RBM33: variants seen among roughly 807,000 people sequenced by gnomAD.
The protein encoded by RBM33 is RNA binding motif protein 33.
A neutral mutation model predicts 132.6 loss-of-function variants in RBM33; 28 were observed. The observed-to-expected ratio is 0.21, with a 90% CI of 0.16 to 0.29. RBM33 has a LOEUF of 0.29. Ranked by LOEUF, RBM33 falls within the 10% of genes least tolerant of loss-of-function variation. RBM33 has a pLI of 1.00. For missense variants in RBM33, 1,291 were observed against 1,518.5 expected, an observed-to-expected ratio of 0.85 and a Z score of 2.49; for synonymous variants, 634 against 593.0, an observed-to-expected ratio of 1.07 and a Z score of -1.01.
chr7:155,745,541 G>T lies in RBM33; in HGVS notation c.2918G>T (p.Ser973Ile), dbSNP rs1342224631. 6.2e-7 allele frequency: 1 copy of T among 1,611,532 alleles called. No homozygotes were observed. The highest frequency in any genetic ancestry group is 1.1e-5 in the South Asian group (1 of 90,434). ...VKRTVTHRTNSGGGDGPHISS... is the reference protein window; with the variant it reads ...VKRTVTHRTNIGGGDGPHISS... ...AGGACTGTCACGCACAGGACAAACA[G>T]TGGTGGTGGAGACGGGCCCCACATC... The change falls in exon 14 of 18, where the codon AGT becomes ATT. Residue 973 changes from serine (S) to isoleucine (I), a missense_variant. Around this residue, in one of 7 missense-constraint regions of RBM33, gnomAD observed 841 missense variants for 912.0 expected, o/e 0.92. Transcript: ENST00000401878. The surrounding 1 kb of genome is among the most constrained non-coding windows in gnomAD (Gnocchi z 4.1).
At chr7:155,645,430 G>C (rs1322531168) in intron 1 of RBM33, among the ~76,000 whole-genome samples, 1 of 152,242 alleles carries the variant, frequency 6.6e-6, no homozygotes, top group Non-Finnish European at 1.5e-5. Context: ...TGGAAAGTGA[G>C]ATTTCTTGAG....
In RBM33 at chr7:155,745,408, A is replaced by G. The variant is rs1376594201; in HGVS notation, c.2785A>G (p.Lys929Glu). 6.2e-7 allele frequency: 1 copy of G among 1,613,798 alleles called. No homozygotes were observed. The highest frequency in any genetic ancestry group is 8.5e-7 in the Non-Finnish European group (1 of 1,179,822). ...VPQSQTQPLHKVLPIKPADVE... is the reference protein window; with the variant it reads ...VPQSQTQPLHEVLPIKPADVE... The stretch of plus-strand genomic sequence containing the variant: ...TCAAAGTCAGACTCAGCCGCTGCAT[A>G]AAGTGCTCCCGATCAAACCTGCAGA... Residue 929 changes from lysine (K) to glutamate (E), a missense_variant, in exon 14 of 18, where the codon AAA becomes GAA. By Grantham distance (56) the Lys-to-Glu change is moderately conservative. Around this residue, in one of 7 missense-constraint regions of RBM33, gnomAD observed 841 missense variants for 912.0 expected, o/e 0.92. Coordinates refer to ENST00000401878, the MANE Select transcript of RBM33 (RefSeq NM_053043.3). The surrounding 1 kb of genome is among the most constrained non-coding windows in gnomAD (Gnocchi z 4.1).
chr7:155,723,506 T>C (rs1308336891), intron 9 of RBM33, among the ~76,000 whole-genome samples: 1 of 152,262 alleles, frequency 6.6e-6, no homozygotes, highest in Non-Finnish European at 1.5e-5. Flanking sequence ...AGTGGGTTTC[T>C]GATTAATCGT....
intron 1 of RBM33, among the ~76,000 whole-genome samples, chr7:155,655,743 A>G (rs1049502167): frequency 1.3e-5 from 2 of 152,170 alleles, no homozygotes; most frequent in Admixed American, 6.5e-5. Flanking sequence ...GTACTGAAGT[A>G]TAACAGTTGT....
rs571372910 is a variant in RBM33, at chr7:155,724,565, A to C, written c.1260+6122A>C. On this transcript the variant is annotated intron_variant, in intron 9 of 17. Coordinates refer to ENST00000401878, the MANE Select transcript of RBM33 (RefSeq NM_053043.3). ...AACAAAACAAAACCAAAAACAAAAA[A>C]GTAATTCTTCCAAAAGATGAGAATT... Among the ~76,000 whole-genome samples, 91 of 152,216 alleles carry C rather than the reference A, an allele frequency of 6.0e-4. 4 individuals carry two copies. Among genetic ancestry groups the C allele is most frequent in the Non-Finnish European group, 2.1e-4 (14 of 68,042 alleles).
intron 8 of RBM33, among the ~76,000 whole-genome samples, chr7:155,714,250 A>G (rs1249616956): frequency 6.6e-6 from 1 of 152,182 alleles, no homozygotes. Context: ...ACAAAGTAGT[A>G]AAGGGAAGGC....
At chr7:155,712,052 A>G (rs918375109) in intron 8 of RBM33, among the ~76,000 whole-genome samples, 2 of 152,204 alleles carry the variant, frequency 1.3e-5, no homozygotes, top group African/African-American at 2.4e-5. Context: ...TTGAGTGGAA[A>G]GTGCTGAGAG....
At chr7:155,712,832 T>C (rs1266182675) in intron 8 of RBM33, among the ~76,000 whole-genome samples, 1 of 152,232 alleles carries the variant, frequency 6.6e-6, no homozygotes, top group African/African-American at 2.4e-5. Context: ...CTCAGGACTT[T>C]GGCAGGGAGT....
rs1297448595 is a variant in RBM33, at chr7:155,673,798, A to ACACACACACC, written c.171+886_171+887insACACACCCAC. ...CACACACACACACACACACACACAC[A>ACACACACACC]CACCCCTACCAGTATATTTCGGACA... is the stretch of plus-strand genomic sequence containing the variant. On this transcript the variant is annotated intron_variant, in intron 3 of 17. Coordinates refer to ENST00000401878, the MANE Select transcript of RBM33 (RefSeq NM_053043.3). 2.8e-5 allele frequency among the ~76,000 whole-genome samples: 4 copies of ACACACACACC among 144,086 alleles called. No homozygotes were observed. The East Asian group carries it at 7.8e-4, about 28-fold the overall frequency. The allele number at this position is 144,086 out of a possible 152,430, so 94.5% of individuals were successfully genotyped here.
intron 3 of RBM33, among the ~76,000 whole-genome samples, chr7:155,673,947 T>TTTTTTTTTTTTC (rs1799096369): frequency 1.0e-5 from 1 of 97,772 alleles, no homozygotes; most frequent in Non-Finnish European, 2.1e-5. Context: ...TTAGTTTTTT[T>TTTTTTTTTTTTC]TTTTTTTTTT....
chr7:155,738,526 G>T, intron 11 of RBM33, 123 bp downstream of exon 11: 2 of 953,602 alleles, frequency 2.1e-6, no homozygotes, highest in South Asian at 1.7e-5. Flanking sequence ...TAGAGTATTA[G>T]TCTCAAATGT....
At chr7:155,655,671 A>G (rs1172082181) in intron 1 of RBM33, among the ~76,000 whole-genome samples, 2 of 151,190 alleles carry the variant, frequency 1.3e-5, no homozygotes, top group African/African-American at 4.9e-5. Flanking sequence ...TCTTGATCCT[A>G]AAGTGCATTT....
intron 5 of RBM33, among the ~76,000 whole-genome samples, chr7:155,687,308 C>A (rs971537137): frequency 5.9e-5 from 9 of 152,196 alleles, no homozygotes; most frequent in African/African-American, 2.2e-4. Flanking sequence ...ATATCCTTCA[C>A]CCACTTTTTG....
At position 155,730,548 on chromosome 7, in the gene RBM33, A is replaced by G. The variant is rs561819698; in HGVS notation, c.1261-6982A>G. The stretch of plus-strand genomic sequence containing the variant: ...TGTAGATGAGCAAACTGAGGCCCAG[A>G]CAGATTCAGTCATGAGCTCAAGGCT... On this transcript the variant is annotated intron_variant, in intron 9 of 17. Coordinates refer to ENST00000401878, the MANE Select transcript of RBM33 (RefSeq NM_053043.3). Among the ~76,000 whole-genome samples, 231 of 152,274 alleles carry G rather than the reference A, an allele frequency of 1.5e-3. 2 individuals are homozygous for G. In the Middle Eastern group the frequency reaches 0.031, roughly 20 times the overall value.
chr7:155,776,766 A>G lies in RBM33; in HGVS notation c.*1725A>G, dbSNP rs892130314. 1.1e-4 allele frequency: 17 copies of G among 152,228 alleles called. No individual in the cohort carries two copies. Among genetic ancestry groups the G allele is most frequent in the African/African-American group, 3.4e-4 (14 of 41,446 alleles). 9.4% of individuals were successfully genotyped at this position (152,228 alleles called of 1,614,324 possible). Reference sequence around the variant, plus strand: ...GATTGCCAGTCAGCCCTGCCTCACCATGCCTGCAGGAGGCTGTCCAGGGAG... The same window carrying G: ...GATTGCCAGTCAGCCCTGCCTCACCGTGCCTGCAGGAGGCTGTCCAGGGAG... On this transcript the variant is annotated 3_prime_UTR_variant, in exon 18 of 18. Transcript: ENST00000401878. This position sits in a 1 kb window ranked among gnomAD's most constrained non-coding sequence, Gnocchi z 4.0.
At position 155,774,550 on chromosome 7, in the gene RBM33, T is replaced by G; in HGVS notation, c.3376-9T>G. ...AACTGATCTTAAAGTGTTTGTTTTC[T>G]TCCTCTAGAGTTTACAGATGCTTCC... On this transcript the variant is annotated splice_polypyrimidine_tract_variant and intron_variant, in intron 16 of 17. Transcript: ENST00000401878. The surrounding 1 kb of genome is among the most constrained non-coding windows in gnomAD (Gnocchi z 4.2). 6.2e-7 allele frequency: 1 copy of G among 1,605,822 alleles called. No individual in the cohort carries two copies. Among genetic ancestry groups the G allele is most frequent in the Non-Finnish European group, 8.5e-7 (1 of 1,172,438 alleles).
rs1802810035 is a variant in RBM33, at chr7:155,781,035, T to C, written c.*5994T>C. 1 of 152,778 alleles carries C rather than the reference T, an allele frequency of 6.5e-6. No homozygotes were observed. The allele number at this position is 152,778 out of a possible 1,614,324, so 9.5% of individuals were successfully genotyped here. A position where few individuals can be genotyped will look rare whatever the true frequency, so the allele number is the denominator to read the frequency against. On this transcript the variant is annotated 3_prime_UTR_variant, in exon 18 of 18. Coordinates refer to ENST00000401878, the MANE Select transcript of RBM33 (RefSeq NM_053043.3). ...AGTTCAGTGTTAGTGGTAGCGTGGC[T>C]CACTCCACTTGGAGGTGGCGGCCGT...
rs569466747 is a variant in RBM33 at position 155,738,091 on chromosome 7, T to C, written c.1425T>C (p.Leu475=). ...GTGAACCAAGATTCCCGAGCCATCT[T>C]TTTCTGGAACAGCGAAGTCCCCCTC... ...VSGEPRFPSH[L]FLEQRSPPPP... is the part of the protein sequence containing the mutation. The change falls in exon 11 of 18, where the codon CTT becomes CTC. Residue 475 remains leucine (L), a synonymous_variant. Coordinates refer to ENST00000401878, the MANE Select transcript of RBM33 (RefSeq NM_053043.3). 1.6e-5 allele frequency: 26 copies of C among 1,613,614 alleles called. No individual in the cohort carries two copies. Among genetic ancestry groups the C allele is most frequent in the Middle Eastern group, 1.7e-4 (1 of 6,060 alleles).
chr7:155,678,055 T>A (rs777073151), intron 3 of RBM33, among the ~76,000 whole-genome samples: 11 of 152,196 alleles, frequency 7.2e-5, no homozygotes, highest in Admixed American at 1.3e-4. Flanking sequence ...TCTCTCCTTA[T>A]AGGTAGGAGT....
Sources: allele counts gnomAD v4.1 joint callset (sites outside exome capture counted in the v4.1 genomes callset), GRCh38; gene constraint gnomAD v4.1.1; regional missense constraint gnomAD v4.1.1; non-coding constraint Gnocchi (gnomAD v3.1); transcripts MANE v1.5; gene names NCBI Gene and HGNC (gene_info 2026-07-23, HGNC 2026-07-21).